FERMT2: variants seen among roughly 807,000 people sequenced by gnomAD.
FERMT2 encodes the protein FERM domain containing kindlin 2, also known as fermitin family homolog 2.
In FERMT2, 15 loss-of-function variants were observed where a neutral mutation model predicts 82.7. The observed-to-expected ratio is 0.18, with a 90% CI of 0.12 to 0.28. FERMT2 has a LOEUF of 0.28. FERMT2 is among the 10% of genes least tolerant of loss of function. FERMT2 has a pLI of 1.00. For synonymous variants in FERMT2, 274 were observed against 271.5 expected, an observed-to-expected ratio of 1.01 and a Z score of -0.09; for missense variants, 645 against 809.4, an observed-to-expected ratio of 0.80 and a Z score of 2.46.
chr14:52,879,044 C>T (rs118146505), intron 6 of FERMT2, among the ~76,000 whole-genome samples: 2,519 of 152,146 alleles, frequency 0.017, 47 homozygotes, highest in Non-Finnish European at 0.021. Flanking sequence ...TAAAGTAAGG[C>T]GGAACTACCG....
chr14:52,864,761 G>A lies in FERMT2; in HGVS notation c.1366C>T (p.Leu456Phe). 6.2e-7 allele frequency: 1 copy of A among 1,611,430 alleles called. No individual in the cohort carries two copies. Among genetic ancestry groups the A allele is most frequent in the African/African-American group, 1.3e-5 (1 of 74,972 alleles). Residue 456 changes from leucine (L) to phenylalanine (F), a missense_variant, in exon 11 of 15, where the codon CTT becomes TTT. By Grantham distance (22) the Leu-to-Phe change is conservative (BLOSUM62 0). Transcript: ENST00000341590. ...GGAAAACTTACATTGTCACAACGAA[G>A]CCAGATTTCATTCATGCCTTCTGCA... is the stretch of plus-strand genomic sequence containing the variant. ...PVAEGMNEIW[L>F]RCDNEKQYAH... is the part of the protein sequence containing the mutation.
In FERMT2 at chr14:52,858,294, A is replaced by T; in HGVS notation, c.*83T>A. The T allele has an allele frequency of 8.2e-7, 1 of 1,219,820 alleles. No individual in the cohort carries two copies. The highest frequency in any genetic ancestry group is 1.2e-6 in the Non-Finnish European group (1 of 852,146). The allele number at this position is 1,219,820 out of a possible 1,614,324, so 75.6% of individuals were successfully genotyped here. A position where few individuals can be genotyped will look rare whatever the true frequency, so the allele number is the denominator to read the frequency against. ...TGATAAAATGATAAATTTCAAGCTTACTTTATTAAGCAGCATATAACAAAC... is the reference window on the plus strand; with the variant it reads ...TGATAAAATGATAAATTTCAAGCTTTCTTTATTAAGCAGCATATAACAAAC... On this transcript the variant is annotated 3_prime_UTR_variant, in exon 15 of 15. Transcript: ENST00000341590.
At chr14:52,946,358 A>C (rs1890355341) in intron 2 of FERMT2, among the ~76,000 whole-genome samples, 2 of 151,154 alleles carry the variant, frequency 1.3e-5, no homozygotes, top group South Asian at 4.2e-4. Flanking sequence ...TTTGTCTTTG[A>C]TTAAAAAAAA....
intron 4 of FERMT2, among the ~76,000 whole-genome samples, chr14:52,892,463 T>TTTTTTTC (rs1566733962): frequency 0.1 from 2,336 of 23,428 alleles, 67 homozygotes; most frequent in African/African-American, 0.13. Flanking sequence ...TTTGTTTTTT[T>TTTTTTTC]TTTTTTTTGA....
chr14:52,937,787 T>C (rs977907869), intron 2 of FERMT2, among the ~76,000 whole-genome samples: 1 of 152,208 alleles, frequency 6.6e-6, no homozygotes, highest in African/African-American at 2.4e-5. Context: ...TATGCAGGAA[T>C]GTTTACACAT....
At chr14:52,886,147 G>C (rs1886589289) in intron 4 of FERMT2, among the ~76,000 whole-genome samples, 1 of 151,860 alleles carries the variant, frequency 6.6e-6, no homozygotes, top group Admixed American at 6.6e-5. Flanking sequence ...CAAAATAACC[G>C]AGATACTACT....
chr14:52,950,609 C>T (rs1326329437), intron 1 of FERMT2, 32 bp from the exon 2 acceptor site: 16 of 1,602,956 alleles, frequency 1.0e-5, no homozygotes, highest in Non-Finnish European at 1.4e-5. Flanking sequence ...CTCTCGTAAG[C>T]GTCACTCCCC....
At chr14:52,869,430 A>G (rs1885477655) in intron 10 of FERMT2, among the ~76,000 whole-genome samples, 1 of 152,212 alleles carries the variant, frequency 6.6e-6, no homozygotes, top group African/African-American at 2.4e-5. Flanking sequence ...ATCCTAATGT[A>G]CAATATACAG....
chr14:52,860,361 G>A lies in FERMT2; in HGVS notation c.1707C>T (p.Gly569=). The stretch of plus-strand genomic sequence containing the variant: ...CTGACCTTGCAATGAAGTGAGTGAT[G>A]CCAAATTCAGGTAGTGACTGCCAAG... ...IQAWQSLPEF[G]ITHFIARFQG... The change falls in exon 13 of 15, where the codon GGC becomes GGT. Residue 569 remains glycine (G), a synonymous_variant. Transcript: ENST00000341590. 1 of 1,613,946 alleles carries A rather than the reference G, an allele frequency of 6.2e-7. No homozygotes were observed.
At chr14:52,858,622 CTACT>C in intron 14 of FERMT2, 72 bp from the exon 15 acceptor site, 2 of 1,392,306 alleles carry the variant, frequency 1.4e-6, no homozygotes, top group South Asian at 1.3e-5. Flanking sequence ...AACTACTGTG[CTACT>C]TAAAGTCTGT....
At chr14:52,946,660 C>T (rs1890370110) in intron 2 of FERMT2, among the ~76,000 whole-genome samples, 1 of 152,008 alleles carries the variant, frequency 6.6e-6, no homozygotes, top group Admixed American at 6.6e-5. Context: ...CAAACCAAAC[C>T]AAACAGTACT....
At chr14:52,910,197 G>A (rs898962089) in intron 3 of FERMT2, among the ~76,000 whole-genome samples, 9 of 152,108 alleles carry the variant, frequency 5.9e-5, no homozygotes, top group Non-Finnish European at 1.5e-5. Context: ...ACACAACTGA[G>A]CTTTAGTCAA....
chr14:52,906,212 C>T (rs1401834628), intron 3 of FERMT2, among the ~76,000 whole-genome samples: 1 of 152,090 alleles, frequency 6.6e-6, no homozygotes, highest in Non-Finnish European at 1.5e-5. Context: ...GGGAGCTCCA[C>T]AGAGAGTGCT....
In FERMT2 at chr14:52,893,343, G is replaced by C; in HGVS notation, c.476C>G (p.Ser159Cys). 6.2e-7 allele frequency: 1 copy of C among 1,613,236 alleles called. No homozygotes were observed. Among genetic ancestry groups the C allele is most frequent in the African/African-American group, 1.3e-5 (1 of 74,910 alleles). ...KKKKKKLDDQ[S>C]EDEALELEGP... is the part of the protein sequence containing the mutation. ...CTCTAATTCAAGTGCCTCATCTTCA[G>C]ACTGGTCATCTAGCTTCTTCTTTTT... Residue 159 changes from serine (S) to cysteine (C), a missense_variant, in exon 4 of 15, where the codon TCT (serine) becomes TGT (cysteine). Coordinates refer to ENST00000341590, the MANE Select transcript of FERMT2 (RefSeq NM_006832.3).
At chr14:52,900,260 C>A (rs1207070986) in intron 3 of FERMT2, among the ~76,000 whole-genome samples, 1 of 151,874 alleles carries the variant, frequency 6.6e-6, no homozygotes, top group East Asian at 1.9e-4. Flanking sequence ...TGCAGCAGGC[C>A]TGAGCCACTA....
chr14:52,947,537 A>G (rs1014426457), intron 2 of FERMT2, among the ~76,000 whole-genome samples: 2 of 152,238 alleles, frequency 1.3e-5, no homozygotes, highest in African/African-American at 2.4e-5. Context: ...TCTTTGAATT[A>G]AAGTCAAAAT....
intron 7 of FERMT2, among the ~76,000 whole-genome samples, chr14:52,877,734 C>T (rs543930980): frequency 1.4e-4 from 22 of 152,114 alleles, no homozygotes; most frequent in African/African-American, 5.3e-4. Flanking sequence ...AACAAAATCC[C>T]TTCTACAGTG....
At chr14:52,863,045 T>C (rs1484786409) in intron 12 of FERMT2, 1 of 55,312 alleles carries the variant, frequency 1.8e-5, no homozygotes, top group African/African-American at 3.7e-5. Context: ...AGATTCTGTA[T>C]AAATAATTTT....
At chr14:52,926,878 A>C (rs1889304378) in intron 2 of FERMT2, among the ~76,000 whole-genome samples, 1 of 152,196 alleles carries the variant, frequency 6.6e-6, no homozygotes, top group Admixed American at 6.5e-5. Flanking sequence ...TCTAACTTCT[A>C]TAATAAATTT....
Sources: gnomAD v4.1 joint callset for allele counts (sites outside exome capture counted in the v4.1 genomes callset) on GRCh38, gnomAD v4.1.1 for gene constraint, MANE v1.5 for transcripts, NCBI Gene and HGNC (gene_info 2026-07-23, HGNC 2026-07-21) for gene names.